The following DEPTOR variants were observed in gnomAD, a reference collection of about 807,000 sequenced individuals.
DEPTOR encodes DEP domain containing MTOR interacting protein.
Under a neutral mutation model 41.6 loss-of-function variants are expected in DEPTOR, and 41 were observed. The ratio of observed to expected loss-of-function variants is 0.98; its 90% CI spans 0.77 to 1.28. DEPTOR has a LOEUF of 1.28. Ranked by LOEUF, DEPTOR falls within the 50% of genes most tolerant of loss-of-function variation. The pLI is 0.00. For synonymous variants in DEPTOR, 195 were observed against 192.3 expected, an observed-to-expected ratio of 1.01 and a Z score of -0.12; for missense variants, 514 against 527.9, an observed-to-expected ratio of 0.97 and a Z score of 0.26.
chr8:119,941,373 C>CAAAAAA (rs749120675), intron 3 of DEPTOR, among the ~76,000 whole-genome samples: 15 of 39,838 alleles, frequency 3.8e-4, no homozygotes, highest in Admixed American at 6.3e-4. Context: ...ATCTCCATCT[C>CAAAAAA]AAAAAAAAAA....
rs532040339 is a variant in DEPTOR at position 119,900,805 on chromosome 8, TC to T, written c.122+26840del. On this transcript the variant is annotated intron_variant, in intron 1 of 8. Transcript: ENST00000286234. ...TGCTTGATATAGAATAACCATCTTA[TC>T]CCTCACATTTGTATGAGCTCTAATA... Among the ~76,000 whole-genome samples the T allele has an allele frequency of 2.5e-3, 374 of 152,274 alleles. 2 individuals are homozygous for T. Among genetic ancestry groups the T allele is most frequent in the African/African-American group, 8.0e-3 (333 of 41,556 alleles).
intron 8 of DEPTOR, among the ~76,000 whole-genome samples, chr8:120,033,261 A>G (rs1812922405): frequency 6.6e-6 from 1 of 151,854 alleles, no homozygotes; most frequent in Admixed American, 6.6e-5. Context: ...CTAATTTTGT[A>G]TTTTTAGTAG....
intron 6 of DEPTOR, among the ~76,000 whole-genome samples, chr8:120,003,331 A>G (rs1812385273): frequency 6.6e-6 from 1 of 152,158 alleles, no homozygotes; most frequent in Non-Finnish European, 1.5e-5. Context: ...TTGACCCAGT[A>G]AGACCTCTGG....
chr8:120,033,451 A>G (rs1397922865), intron 8 of DEPTOR, among the ~76,000 whole-genome samples: 2 of 152,188 alleles, frequency 1.3e-5, no homozygotes, highest in African/African-American at 2.4e-5. Flanking sequence ...GTGTAACTAC[A>G]TGGCAGAGCC....
chr8:119,959,320 G>C lies in DEPTOR; in HGVS notation c.426-5912G>C, dbSNP rs140494157. Reference sequence around the variant, plus strand: ...TGGGACTACAGGCGCCCACCACCACGCCCAGCTAATTTTTGTAAATTTAGT... The same window carrying C: ...TGGGACTACAGGCGCCCACCACCACCCCCAGCTAATTTTTGTAAATTTAGT... On this transcript the variant is annotated intron_variant, in intron 3 of 8. Coordinates refer to ENST00000286234, the MANE Select transcript of DEPTOR (RefSeq NM_022783.4). 6.0e-3 allele frequency among the ~76,000 whole-genome samples: 911 copies of C among 150,966 alleles called. 9 individuals carry two copies. The highest frequency in any genetic ancestry group is 0.022 in the African/African-American group (885 of 41,158).
Position 120,001,509 on chromosome 8 carries a change from T to TA in DEPTOR, c.605-16_605-15insA. The stretch of plus-strand genomic sequence containing the variant: ...GCCAGATAGTCCTCATTGGTTGTTT[T>TA]TTTTTTTCTCCCCAGTGTCCAACAA... On this transcript the variant is annotated splice_polypyrimidine_tract_variant and intron_variant, in intron 4 of 8. Coordinates refer to ENST00000286234, the MANE Select transcript of DEPTOR (RefSeq NM_022783.4). 6.3e-7 allele frequency: 1 copy of TA among 1,585,708 alleles called. No homozygotes were observed. Among genetic ancestry groups the TA allele is most frequent in the Non-Finnish European group, 8.6e-7 (1 of 1,166,322 alleles).
intron 3 of DEPTOR, among the ~76,000 whole-genome samples, chr8:119,933,453 GACACACACACACACACACAC>G (rs35420959): frequency 9.3e-4 from 116 of 124,564 alleles, no homozygotes; most frequent in African/African-American, 3.3e-3. Flanking sequence ...GACAGAGCAA[GACACACACACACACACACAC>G]ACACACACAC....
chr8:119,887,741 G>A (rs1827391104), intron 1 of DEPTOR, among the ~76,000 whole-genome samples: 1 of 151,482 alleles, frequency 6.6e-6, no homozygotes, highest in South Asian at 2.1e-4. Context: ...CTGACCTCAA[G>A]TGATCCGCCC....
At chr8:120,023,370 A>G (rs1563595349) in intron 8 of DEPTOR, among the ~76,000 whole-genome samples, 1 of 152,062 alleles carries the variant, frequency 6.6e-6, no homozygotes, top group Non-Finnish European at 1.5e-5. Flanking sequence ...CCTCCCAAGT[A>G]GCTGGGATTA....
chr8:119,877,761 G>T (rs1175540967), intron 1 of DEPTOR, among the ~76,000 whole-genome samples: 9 of 151,988 alleles, frequency 5.9e-5, no homozygotes. Flanking sequence ...CTACAGAATG[G>T]GAATAATATC....
chr8:119,883,473 TAA>T (rs386413817), intron 1 of DEPTOR, among the ~76,000 whole-genome samples: 58,910 of 111,364 alleles, frequency 0.53, 15,536 homozygotes, highest in East Asian at 0.86. Context: ...AGACTCGTCT[TAA>T]AAAAAAAAAA....
At chr8:120,049,017 C>G (rs573765758) in intron 8 of DEPTOR, among the ~76,000 whole-genome samples, 150 of 152,230 alleles carry the variant, frequency 9.9e-4, no homozygotes, top group Non-Finnish European at 3.4e-4. Flanking sequence ...TATTTTTGGA[C>G]TTAATATCAT....
At chr8:119,925,612 C>T (rs1252349397) in intron 1 of DEPTOR, among the ~76,000 whole-genome samples, 1 of 151,948 alleles carries the variant, frequency 6.6e-6, no homozygotes, top group Non-Finnish European at 1.5e-5. Flanking sequence ...GCCCCAGTGT[C>T]TATTGTTGCC....
At chr8:119,912,656 G>A (rs1051311778) in intron 1 of DEPTOR, among the ~76,000 whole-genome samples, 2 of 152,172 alleles carry the variant, frequency 1.3e-5, no homozygotes, top group Non-Finnish European at 1.5e-5. Flanking sequence ...GAAAATAGAT[G>A]ATCATAACCC....
At chr8:119,909,729 C>T (rs909611392) in intron 1 of DEPTOR, among the ~76,000 whole-genome samples, 19 of 152,198 alleles carry the variant, frequency 1.2e-4, no homozygotes, top group African/African-American at 3.9e-4. Context: ...TATTCATAAC[C>T]AATTCCAATC....
At chr8:119,900,417 C>T (rs1487838199) in intron 1 of DEPTOR, among the ~76,000 whole-genome samples, 1 of 52,686 alleles carries the variant, frequency 1.9e-5, no homozygotes. Flanking sequence ...GAGACAGGGT[C>T]TCACACTTGC....
chr8:119,954,145 CT>C (rs11352000), intron 3 of DEPTOR, among the ~76,000 whole-genome samples: 4,197 of 141,342 alleles, frequency 0.03, 161 homozygotes, highest in African/African-American at 0.095. Context: ...GAATAATTAA[CT>C]TTTTTTTTTT....
chr8:119,886,172 C>T (rs1477934282), intron 1 of DEPTOR, among the ~76,000 whole-genome samples: 1 of 152,164 alleles, frequency 6.6e-6, no homozygotes, highest in Non-Finnish European at 1.5e-5. Flanking sequence ...TCATTCTCTG[C>T]AATTCTTTTG....
chr8:119,904,180 C>T (rs1037231605), intron 1 of DEPTOR, among the ~76,000 whole-genome samples: 3 of 151,882 alleles, frequency 2.0e-5, no homozygotes, highest in East Asian at 1.9e-4. Context: ...TACAGTGGCA[C>T]GATCTCAGCT....
Sources: allele counts gnomAD v4.1 joint callset (sites outside exome capture counted in the v4.1 genomes callset), GRCh38; gene constraint gnomAD v4.1.1; transcripts MANE v1.5; gene names NCBI Gene and HGNC (gene_info 2026-07-23, HGNC 2026-07-21).